BTD: variants seen among roughly 807,000 people sequenced by gnomAD.
BTD encodes biocytinase.
Under a neutral mutation model 17.7 loss-of-function variants are expected in BTD, and 13 were observed. The observed-to-expected ratio is 0.74, with a 90% CI of 0.48 to 1.17. The LOEUF (loss-of-function observed/expected upper bound fraction) is 1.17, where lower values mean the gene tolerates loss of function less well. Ranked by LOEUF, BTD falls within the 50% of genes most tolerant of loss-of-function variation. The pLI is 0.00. For synonymous variants in BTD, 240 were observed against 245.2 expected, an observed-to-expected ratio of 0.98 and a Z score of 0.20; for missense variants, 674 against 650.4, an observed-to-expected ratio of 1.04 and a Z score of -0.39.
Position 15,648,875 on chromosome 3 carries a change from G to GCAGAGATCA in BTD, c.*3391_*3399dup, listed in dbSNP as rs987696953. Among the ~76,000 whole-genome samples, 24 of 152,116 alleles carry GCAGAGATCA rather than the reference G, an allele frequency of 1.6e-4. No individual in the cohort carries two copies. The highest frequency in any genetic ancestry group is 2.6e-4 in the Non-Finnish European group (18 of 68,038). On this transcript the variant is annotated 3_prime_UTR_variant, in exon 4 of 4. Coordinates refer to ENST00000643237, the MANE Select transcript of BTD (RefSeq NM_001370658.1). ...AGAAGATGACCATGTGACAACAGGGGCAGAGATCACAGGGATGCCTCTACT... is the reference window on the plus strand; with the variant it reads ...AGAAGATGACCATGTGACAACAGGGGCAGAGATCACAGAGATCACAGGGATGCCTCTACT...
intron 3 of BTD, chr3:15,696,297 C>G (rs2069541152): frequency 1.7e-6 from 2 of 1,181,920 alleles, no homozygotes; most frequent in Non-Finnish European, 2.4e-6. Flanking sequence ...GCATATTAAC[C>G]AATGATAAAA....
chr3:15,715,725 A>G (rs1248170420), downstream of BTD, among the ~76,000 whole-genome samples: 1 of 152,198 alleles, frequency 6.6e-6, no homozygotes, highest in Non-Finnish European at 1.5e-5. Context: ...TCAACTGAAA[A>G]TGAGGATAAT....
intron 1 of BTD, among the ~76,000 whole-genome samples, chr3:15,619,299 G>A (rs1029307863): frequency 6.6e-6 from 1 of 152,094 alleles, no homozygotes; most frequent in Admixed American, 6.6e-5. Context: ...ATTTTTCTGT[G>A]TCTATTGATA....
downstream of BTD, among the ~76,000 whole-genome samples, chr3:15,655,829 G>C (rs1403093977): frequency 6.6e-6 from 1 of 152,234 alleles, no homozygotes; most frequent in Non-Finnish European, 1.5e-5. Flanking sequence ...TTGAGACAGA[G>C]TCTCACTCTG....
chr3:15,649,293 A>G lies in BTD; in HGVS notation c.*3805A>G, dbSNP rs1272022525. 1.3e-5 allele frequency among the ~76,000 whole-genome samples: 2 copies of G among 152,240 alleles called. No individual in the cohort carries two copies. The highest frequency in any genetic ancestry group is 2.9e-5 in the Non-Finnish European group (2 of 68,038). On this transcript the variant is annotated 3_prime_UTR_variant, in exon 4 of 4. Coordinates refer to ENST00000643237, the MANE Select transcript of BTD (RefSeq NM_001370658.1). ...TGAAGCAAATGATCCAAGAGAGCAC[A>G]GGTGGAGCCATGATGTCTTTTATTA... is the stretch of plus-strand genomic sequence containing the variant.
At chr3:15,703,511 A>G (rs1169545850) in intron 3 of BTD, among the ~76,000 whole-genome samples, 1 of 152,204 alleles carries the variant, frequency 6.6e-6, no homozygotes, top group Non-Finnish European at 1.5e-5. Flanking sequence ...CATTCCTTCT[A>G]CCATGTGAGG....
chr3:15,691,595 GA>G (rs2068812121), intron 3 of BTD, among the ~76,000 whole-genome samples: 1 of 152,186 alleles, frequency 6.6e-6, no homozygotes, highest in Non-Finnish European at 1.5e-5. Flanking sequence ...GAAAATGTCA[GA>G]AAGTAGCAGC....
chr3:15,614,515 T>C (rs959380225), intron 1 of BTD, among the ~76,000 whole-genome samples: 3 of 152,102 alleles, frequency 2.0e-5, no homozygotes, highest in Admixed American at 6.6e-5. Context: ...ATCTCTGTGG[T>C]ACATTCTAAA....
chr3:15,685,423 C>T (rs2067997230), intron 3 of BTD: 2 of 1,613,970 alleles, frequency 1.2e-6, no homozygotes, highest in Non-Finnish European at 1.7e-6. Context: ...TGCATCTACA[C>T]ATTCTTCATG....
At chr3:15,616,590 T>C (rs969341288) in intron 1 of BTD, among the ~76,000 whole-genome samples, 1 of 151,748 alleles carries the variant, frequency 6.6e-6, no homozygotes, top group Non-Finnish European at 1.5e-5. Context: ...TACTCCAGCA[T>C]AGGGGACAAG....
At chr3:15,697,510 G>T (rs2069810693) in intron 3 of BTD, 5 of 147,160 alleles carry the variant, frequency 3.4e-5, no homozygotes, top group South Asian at 4.3e-4. Context: ...TCATGTGTTT[G>T]TTTTTTTTTT....
rs184222639 is a variant in BTD at position 15,660,540 on chromosome 3, T to C, written c.399+18483T>C. Among the ~76,000 whole-genome samples the C allele has an allele frequency of 4.0e-3, 605 of 152,374 alleles. 1 individual carries two copies. Among genetic ancestry groups the C allele is most frequent in the Admixed American group, 8.1e-3 (124 of 15,312 alleles). On this transcript the variant is annotated intron_variant, in intron 3 of 3. Coordinates refer to the BTD transcript ENST00000672141. ...CACTAAGAAGCCACCAAGGATCACATTTATTGTGTTTATATACAATGTGTT... is the reference window on the plus strand; with the variant it reads ...CACTAAGAAGCCACCAAGGATCACACTTATTGTGTTTATATACAATGTGTT...
At chr3:15,712,000 C>T (rs2072355469) in exon 4 of BTD, 4 of 683,442 alleles carry the variant, frequency 5.9e-6, no homozygotes, top group Non-Finnish European at 1.0e-5. Flanking sequence ...CAGACCTGAA[C>T]CCAACACGTT....
In BTD at chr3:15,650,380, A is replaced by T. The variant is rs1264670198; in HGVS notation, c.*4892A>T. 6.6e-6 allele frequency among the ~76,000 whole-genome samples: 1 copy of T among 152,150 alleles called. No individual in the cohort carries two copies. Among genetic ancestry groups the T allele is most frequent in the African/African-American group, 2.4e-5 (1 of 41,426 alleles). On this transcript the variant is annotated 3_prime_UTR_variant, in exon 4 of 4. Transcript: ENST00000643237. ...ATCATGCATATATAATTTTTTGTAG[A>T]TAACTTTTCTTCTCATTTTCCTTCT...
chr3:15,605,650 G>A (rs2064426692), intron 1 of BTD, among the ~76,000 whole-genome samples: 1 of 152,072 alleles, frequency 6.6e-6, no homozygotes, highest in Admixed American at 6.5e-5. Flanking sequence ...TGTTAGATGA[G>A]TTTTGACAGT....
chr3:15,608,751 C>T (rs1034978649), intron 1 of BTD, among the ~76,000 whole-genome samples: 3 of 146,048 alleles, frequency 2.1e-5, no homozygotes, highest in African/African-American at 5.1e-5. Context: ...GGCGACAGAG[C>T]GAGACTCCGT....
chr3:15,628,039 G>A (rs1386280744), intron 1 of BTD, among the ~76,000 whole-genome samples: 4 of 152,186 alleles, frequency 2.6e-5, no homozygotes, highest in Non-Finnish European at 5.9e-5. Flanking sequence ...TTATTCTTTT[G>A]ATTTGGGGAA....
chr3:15,686,435 G>C (rs1162324366), intron 3 of BTD: 2 of 730,928 alleles, frequency 2.7e-6, no homozygotes, highest in African/African-American at 3.5e-5. Context: ...ATGCAAGAAT[G>C]AAAACTATAG....
chr3:15,698,423 T>C (rs190291467), intron 3 of BTD, among the ~76,000 whole-genome samples: 1 of 152,294 alleles, frequency 6.6e-6, no homozygotes, highest in African/African-American at 2.4e-5. Flanking sequence ...TAAAGGGTAT[T>C]CAATTAGGAA....
Sources: gnomAD v4.1 joint callset for allele counts (sites outside exome capture counted in the v4.1 genomes callset) on GRCh38, gnomAD v4.1.1 for gene constraint, MANE v1.5 for transcripts, NCBI Gene and HGNC (gene_info 2026-07-23, HGNC 2026-07-21) for gene names.